Variants in CAMTA1 observed in about 807,000 individuals in gnomAD.
CAMTA1 encodes calmodulin binding transcription activator 1.
Under a neutral mutation model 170.9 loss-of-function variants are expected in CAMTA1, and 27 were observed. The ratio of observed to expected loss-of-function variants is 0.16; its 90% confidence interval spans 0.12 to 0.22. CAMTA1 has a LOEUF of 0.22. Among genes scored for constraint, CAMTA1 ranks in the 10% least tolerant of loss-of-function variants. CAMTA1 has a pLI of 1.00. For missense variants in CAMTA1, 1,619 were observed against 2,217.2 expected, an observed-to-expected ratio of 0.73 and a Z score of 5.42; for synonymous variants, 833 against 891.5, an observed-to-expected ratio of 0.93 and a Z score of 1.17.
chr1:7,190,154 G>A (rs1331864281), intron 4 of CAMTA1, among the ~76,000 whole-genome samples: 4 of 152,180 alleles, frequency 2.6e-5, no homozygotes, highest in African/African-American at 9.6e-5. Context: ...AGGGGTGAGG[G>A]ATGAAAGACT....
chr1:7,724,818 CAAAA>C (rs960235639), intron 11 of CAMTA1, among the ~76,000 whole-genome samples: 1 of 85,326 alleles, frequency 1.2e-5, no homozygotes, highest in Admixed American at 1.4e-4. Context: ...GCGAGACTCT[CAAAA>C]AAAAAAAAAA....
intron 4 of CAMTA1, among the ~76,000 whole-genome samples, chr1:7,186,133 T>C (rs1162977030): frequency 6.6e-6 from 1 of 152,076 alleles, no homozygotes; most frequent in East Asian, 1.9e-4. Flanking sequence ...GGGGATATAT[T>C]TGTGTGCATG....
rs2096055972 is a variant in CAMTA1 at position 7,671,033 on chromosome 1, C to T, written c.2775C>T (p.Cys925=). 5 of 1,613,292 alleles carry T rather than the reference C, an allele frequency of 3.1e-6. No homozygotes were observed. The highest frequency in any genetic ancestry group is 2.2e-5 in the East Asian group (1 of 44,878). ...AGCCTGGGGTGCTGCGCTGCTACTG[C>T]CCAGGTGAGAAAGCCGCCCCCCAGG... ...LIQPGVLRCY[C]PAHDTGLVTL... The change falls in exon 10 of 23, where the codon TGC becomes TGT. Residue 925 remains cysteine (C), a synonymous_variant. Transcript: ENST00000303635.
intron 6 of CAMTA1, among the ~76,000 whole-genome samples, chr1:7,507,787 C>T (rs545062591): frequency 6.6e-6 from 1 of 152,306 alleles, no homozygotes; most frequent in South Asian, 2.1e-4. Flanking sequence ...CAAAGGGAGT[C>T]CAAGCTCTGA....
intron 4 of CAMTA1, among the ~76,000 whole-genome samples, chr1:7,206,260 A>C (rs1269455841): frequency 1.3e-5 from 2 of 152,194 alleles, no homozygotes; most frequent in Non-Finnish European, 2.9e-5. Context: ...ATTTAGGGAG[A>C]ACTGGCATTG....
chr1:7,469,388 C>T (rs143938015), intron 6 of CAMTA1, among the ~76,000 whole-genome samples: 22 of 152,302 alleles, frequency 1.4e-4, no homozygotes, highest in Non-Finnish European at 2.6e-4. Flanking sequence ...GGGTTCCACC[C>T]GAGGCCAGAG....
intron 3 of CAMTA1, among the ~76,000 whole-genome samples, chr1:6,901,318 T>A (rs373020480): frequency 6.6e-6 from 1 of 152,312 alleles, no homozygotes; most frequent in South Asian, 2.1e-4. Flanking sequence ...TTTCATGACC[T>A]TGGGTTAGCA....
chr1:7,070,548 C>A (rs1210885880), intron 3 of CAMTA1, among the ~76,000 whole-genome samples: 1 of 152,172 alleles, frequency 6.6e-6, no homozygotes, highest in Non-Finnish European at 1.5e-5. Flanking sequence ...CTTTTGAGCA[C>A]GACCTTCTCT....
chr1:7,423,521 G>T (rs1010301955), intron 5 of CAMTA1, among the ~76,000 whole-genome samples: 3 of 149,894 alleles, frequency 2.0e-5, no homozygotes, highest in African/African-American at 7.4e-5. Context: ...CCTGCTGCCT[G>T]CCTGTACCCA....
At position 7,166,047 on chromosome 1, in the gene CAMTA1, G is replaced by A. The variant is rs559497930; in HGVS notation, c.302+74676G>A. Among the ~76,000 whole-genome samples, 480 of 149,254 alleles carry A rather than the reference G, an allele frequency of 3.2e-3. 2 individuals are homozygous for A. Among genetic ancestry groups the A allele is most frequent in the African/African-American group, 0.012 (462 of 40,138 alleles). On this transcript the variant is annotated intron_variant, in intron 4 of 22. Transcript: ENST00000303635. ...TTATATGCTAGTGTCTCTCTAAGCG[G>A]GGGGGTGTGTTTACTTGGATACTCT...
Position 6,960,489 on chromosome 1 carries a change from A to G in CAMTA1, c.235-130815A>G, listed in dbSNP as rs114811556. Among the ~76,000 whole-genome samples, 534 of 152,282 alleles carry G rather than the reference A, an allele frequency of 3.5e-3. 4 individuals carry two copies. Among genetic ancestry groups the G allele is most frequent in the African/African-American group, 0.011 (465 of 41,554 alleles). On this transcript the variant is annotated intron_variant, in intron 3 of 22. Transcript: ENST00000303635. ...GGCTGACTCTCTTGGCACTGGGTCCAGATTTAGTTCTGTGGAGAGCTCGTC... is the reference window on the plus strand; with the variant it reads ...GGCTGACTCTCTTGGCACTGGGTCCGGATTTAGTTCTGTGGAGAGCTCGTC...
At chr1:7,246,670 CTTTTTTTT>C (rs34382670) in intron 4 of CAMTA1, among the ~76,000 whole-genome samples, 2 of 73,930 alleles carry the variant, frequency 2.7e-5, no homozygotes, top group East Asian at 4.7e-4. Context: ...CTCTGACCTG[CTTTTTTTT>C]TTTTTTTTTT....
At position 6,965,308 on chromosome 1, in the gene CAMTA1, T is replaced by G. The variant is rs1691331442; in HGVS notation, c.235-125996T>G. On this transcript the variant is annotated intron_variant, in intron 3 of 22. Transcript: ENST00000303635. This position sits in a 1 kb window ranked among gnomAD's most constrained non-coding sequence, Gnocchi z 4.1. ...AAGTGTGTGCTTGTGTCTGTGCATG[T>G]GTGTATGTGTGTGGGTGTGTGTGTA... is the stretch of plus-strand genomic sequence containing the variant. 6.6e-6 allele frequency among the ~76,000 whole-genome samples: 1 copy of G among 152,016 alleles called. No homozygotes were observed. Among genetic ancestry groups the G allele is most frequent in the Non-Finnish European group, 1.5e-5 (1 of 67,988 alleles).
At chr1:6,925,914 C>A (rs1000568057) in intron 3 of CAMTA1, among the ~76,000 whole-genome samples, 12 of 152,174 alleles carry the variant, frequency 7.9e-5, no homozygotes, top group Admixed American at 2.0e-4. Flanking sequence ...CCTCCTCCCC[C>A]TCCCGGCTCC....
Position 7,248,595 on chromosome 1 carries a change from G to T in CAMTA1, c.303-896G>T, listed in dbSNP as rs1666186047. Among the ~76,000 whole-genome samples the T allele has an allele frequency of 6.6e-6, 1 of 152,186 alleles. No individual in the cohort carries two copies. Among genetic ancestry groups the T allele is most frequent in the South Asian group, 2.1e-4 (1 of 4,818 alleles). On this transcript the variant is annotated intron_variant, in intron 4 of 22. Transcript: ENST00000303635. This position sits in a 1 kb window ranked among gnomAD's most constrained non-coding sequence, Gnocchi z 4.0. ...CTGAAAGTGGTTTATCACAGCACTTGCCCTCAGCTGCTAGAGGGGTTTAGT... is the reference window on the plus strand; with the variant it reads ...CTGAAAGTGGTTTATCACAGCACTTTCCCTCAGCTGCTAGAGGGGTTTAGT...
intron 1 of CAMTA1, among the ~76,000 whole-genome samples, chr1:6,796,132 CTTTTTTTTTTTTTTT>C (rs978363793): frequency 1.6e-4 from 11 of 70,962 alleles, no homozygotes; most frequent in Middle Eastern, 9.8e-3. Flanking sequence ...AATAGCATTT[CTTTTTTTTTTTTTTT>C]TTTTTTTTTT....
At chr1:6,952,865 T>A (rs1688742986) in intron 3 of CAMTA1, among the ~76,000 whole-genome samples, 1 of 151,996 alleles carries the variant, frequency 6.6e-6, no homozygotes, top group Non-Finnish European at 1.5e-5. Context: ...AAAACAATTA[T>A]TAATTGCAGG....
chr1:7,053,141 A>T (rs1706710731), intron 3 of CAMTA1, among the ~76,000 whole-genome samples: 1 of 152,152 alleles, frequency 6.6e-6, no homozygotes, highest in Non-Finnish European at 1.5e-5. Flanking sequence ...CTCTTCACTC[A>T]TGAACTTGAC....
rs569111217 is a variant in CAMTA1, at chr1:7,637,814, C to T, written c.511-2586C>T. Among the ~76,000 whole-genome samples the T allele has an allele frequency of 3.3e-5, 5 of 152,330 alleles. No homozygotes were observed. The East Asian group carries it at 9.7e-4, about 29-fold the overall frequency. On this transcript the variant is annotated intron_variant, in intron 6 of 22. Coordinates refer to ENST00000303635, the MANE Select transcript of CAMTA1 (RefSeq NM_015215.4). ...CTGCCCTACCCTGCCCAGCCCGCCT[C>T]CTTGGCTAGCAGGGGCACCGAATAA...
Sources: allele counts gnomAD v4.1 joint callset (sites outside exome capture counted in the v4.1 genomes callset), GRCh38; gene constraint gnomAD v4.1.1; non-coding constraint Gnocchi (gnomAD v3.1); transcripts MANE v1.5; gene names NCBI Gene and HGNC (gene_info 2026-07-23, HGNC 2026-07-21).